STXBP4: variants seen among roughly 807,000 people sequenced by gnomAD.
The protein encoded by STXBP4 is syntaxin-binding protein 4.
In STXBP4, 55 loss-of-function variants were observed where a neutral mutation model predicts 76.1. The observed-to-expected ratio is 0.72, with a 90% CI of 0.58 to 0.91. The LOEUF (loss-of-function observed/expected upper bound fraction) is 0.91. Ranked by LOEUF, STXBP4 falls within the 40% of genes least tolerant of loss-of-function variation. The pLI is 0.00. For missense variants in STXBP4, 618 were observed against 636.9 expected (o/e 0.97, Z 0.32); for synonymous variants, 201 against 220.2 (o/e 0.91, Z 0.77).
the STXBP4 span, among the ~76,000 whole-genome samples, chr17:55,190,941 C>G: frequency 6.6e-6 from 1 of 152,142 alleles, no homozygotes; most frequent in Non-Finnish European, 1.5e-5. Context: ...AGAGAATGAC[C>G]GTAGCAGTAA....
Position 55,166,593 on chromosome 17 carries a change from T to C in STXBP4, c.*6682T>C, listed in dbSNP as rs536968574. ...TCAGATTTCTTCTCATACATCAAGA[T>C]TCTGCTCTCATTTTACCTCTTCTTT... On this transcript the variant is annotated 3_prime_UTR_variant, in exon 18 of 18. Transcript: ENST00000376352. The C allele has an allele frequency of 3.3e-5, 5 of 152,378 alleles. No individual in the cohort carries two copies. The highest frequency in any genetic ancestry group is 4.2e-4 in the South Asian group (2 of 4,818). The allele number at this position is 152,378 out of a possible 1,614,324, so 9.4% of individuals were successfully genotyped here. A position where few individuals can be genotyped will look rare whatever the true frequency, so the allele number is the denominator to read the frequency against.
chr17:55,034,392 A>C (rs2144695891), intron 10 of STXBP4, 133 bp downstream of exon 10: 4 of 526,472 alleles, frequency 7.6e-6, no homozygotes. Context: ...TATAAATACA[A>C]ATCAATTTAA....
intron 16 of STXBP4, among the ~76,000 whole-genome samples, chr17:55,099,956 G>A (rs1057483141): frequency 1.3e-5 from 2 of 152,092 alleles, no homozygotes; most frequent in African/African-American, 4.8e-5. Flanking sequence ...TACAGACAAA[G>A]TTTCCTGTAC....
At chr17:55,135,998 A>G (rs938167118) in intron 16 of STXBP4, among the ~76,000 whole-genome samples, 2 of 152,198 alleles carry the variant, frequency 1.3e-5, no homozygotes, top group South Asian at 2.1e-4. Context: ...TGACTGCACT[A>G]TCAGCAGTGT....
At chr17:55,085,115 A>T (rs1325890436) in intron 16 of STXBP4, among the ~76,000 whole-genome samples, 4 of 151,652 alleles carry the variant, frequency 2.6e-5, no homozygotes, top group Non-Finnish European at 5.9e-5. Flanking sequence ...AGAACAAAAA[A>T]CCAAACACCG....
chr17:55,151,664 G>A (rs144088866), intron 17 of STXBP4, among the ~76,000 whole-genome samples: 1 of 152,116 alleles, frequency 6.6e-6, no homozygotes, highest in Admixed American at 6.5e-5. Context: ...TCACTTCTAC[G>A]GTTTAGGGAC....
In STXBP4 at chr17:54,968,768, T is replaced by A; in HGVS notation, c.-204T>A. 2 of 1,194,296 alleles carry A rather than the reference T, an allele frequency of 1.7e-6. No homozygotes were observed. The allele number at this position is 1,194,296 out of a possible 1,614,324, so 74.0% of individuals were successfully genotyped here. ...TGCCTTGGCTACCAGGCTCCTCAGG[T>A]GGCAGCGCTTGCAGTCGGGCTACGG... On this transcript the variant is annotated 5_prime_UTR_variant, in exon 1 of 18. Transcript: ENST00000376352.
chr17:55,135,060 T>A (rs2080013340), intron 16 of STXBP4, among the ~76,000 whole-genome samples: 1 of 152,178 alleles, frequency 6.6e-6, no homozygotes, highest in Non-Finnish European at 1.5e-5. Flanking sequence ...TACTGAATTT[T>A]GCATCTATTG....
intron 8 of STXBP4, among the ~76,000 whole-genome samples, chr17:55,030,344 C>T (rs758805270): frequency 2.0e-5 from 3 of 151,946 alleles, no homozygotes; most frequent in Non-Finnish European, 2.9e-5. Context: ...TCTTTCTTTC[C>T]CCTTACTAAT....
chr17:55,139,646 TGA>T (rs1234028071), intron 16 of STXBP4, among the ~76,000 whole-genome samples: 1 of 152,124 alleles, frequency 6.6e-6, no homozygotes, highest in Non-Finnish European at 1.5e-5. Context: ...CGCATCTGGC[TGA>T]GCATGTGCTT....
intron 12 of STXBP4, among the ~76,000 whole-genome samples, chr17:55,051,868 C>T (rs545822149): frequency 1.4e-4 from 21 of 152,204 alleles, no homozygotes; most frequent in African/African-American, 4.6e-4. Context: ...TGTATGTACA[C>T]ATGTGTATTA....
intron 16 of STXBP4, among the ~76,000 whole-genome samples, chr17:55,101,411 C>A (rs145498016): frequency 1.3e-5 from 2 of 152,256 alleles, no homozygotes; most frequent in Middle Eastern, 3.4e-3. Flanking sequence ...ACACCAGCCT[C>A]CAGAACCAAA....
At position 55,043,285 on chromosome 17, in the gene STXBP4, G is replaced by A. The variant is rs1015086708; in HGVS notation, c.905G>A (p.Cys302Tyr). 1.9e-6 allele frequency: 3 copies of A among 1,543,890 alleles called. No homozygotes were observed. The highest frequency in any genetic ancestry group is 1.4e-5 in the African/African-American group (1 of 71,622). ...GCAGATGAAATGGAAAGGCTCAAGT[G>A]TGAAAGAGATGATGCCTTGAAAGAA... ...SEADEMERLK[C>Y]ERDDALKEVN... Residue 302 changes from cysteine (C) to tyrosine (Y), a missense_variant, in exon 11 of 18, where the codon TGT (cysteine) becomes TAT (tyrosine). Coordinates refer to ENST00000376352, the MANE Select transcript of STXBP4 (RefSeq NM_178509.6).
intron 10 of STXBP4, 101 bp downstream of exon 10, chr17:55,034,360 A>G: frequency 1.5e-6 from 1 of 667,354 alleles, no homozygotes. Context: ...AATAGAAATA[A>G]TACATGTTTC....
At chr17:55,058,114 C>T (rs1376161138) in intron 12 of STXBP4, among the ~76,000 whole-genome samples, 1 of 152,120 alleles carries the variant, frequency 6.6e-6, no homozygotes, top group South Asian at 2.1e-4. Flanking sequence ...GTTCTAGATC[C>T]TTGAGGAATC....
intron 15 of STXBP4, 101 bp downstream of exon 15, chr17:55,078,836 GGTGCT>G: frequency 1.4e-6 from 1 of 708,894 alleles, no homozygotes; most frequent in Admixed American, 2.6e-5. Flanking sequence ...ATAGTCCTAA[GGTGCT>G]ACATAACTCC....
chr17:55,199,902 ACTT>A, the STXBP4 span, among the ~76,000 whole-genome samples: 14 of 152,206 alleles, frequency 9.2e-5, 1 homozygote, highest in South Asian at 2.9e-3. Context: ...CTCCCAGCCA[ACTT>A]CTTCTCCACC....
intron 16 of STXBP4, among the ~76,000 whole-genome samples, chr17:55,129,219 C>T (rs2079948140): frequency 6.6e-6 from 1 of 152,134 alleles, no homozygotes; most frequent in South Asian, 2.1e-4. Flanking sequence ...TGAGCCACCG[C>T]TCCTGGCTGG....
the STXBP4 span, among the ~76,000 whole-genome samples, chr17:55,191,194 G>C: frequency 7.2e-5 from 11 of 152,266 alleles, no homozygotes; most frequent in South Asian, 6.2e-4. Flanking sequence ...CATGTGGCTG[G>C]AGAGTGCTGA....
Sources: allele counts gnomAD v4.1 joint callset (sites outside exome capture counted in the v4.1 genomes callset), GRCh38; gene constraint gnomAD v4.1.1; transcripts MANE v1.5; gene names NCBI Gene and HGNC (gene_info 2026-07-23, HGNC 2026-07-21).